SIRT1: variants seen among roughly 807,000 people sequenced by gnomAD.
SIRT1 encodes the protein sirtuin 1.
A neutral mutation model predicts 67.9 loss-of-function variants in SIRT1; 24 were observed. The observed-to-expected ratio is 0.35, with a 90% CI of 0.26 to 0.50. SIRT1 has a LOEUF of 0.50. SIRT1 is among the 20% of genes least tolerant of loss of function. The pLI, the probability that SIRT1 is intolerant of heterozygous loss-of-function variation, is 0.98. For missense variants in SIRT1, 873 were observed against 937.2 expected, an observed-to-expected ratio of 0.93 and a Z score of 0.89; for synonymous variants, 378 against 350.7, an observed-to-expected ratio of 1.08 and a Z score of -0.87.
chr10:67,887,167 C>T (rs1399240027), intron 1 of SIRT1, among the ~76,000 whole-genome samples: 1 of 152,176 alleles, frequency 6.6e-6, no homozygotes, highest in Non-Finnish European at 1.5e-5. Flanking sequence ...CCACCGCTCC[C>T]GGCTATCTTT....
intron 7 of SIRT1, among the ~76,000 whole-genome samples, chr10:67,911,620 C>CTCCCTCCCTCCCTTCCGTTTGTCCTTCCT (rs1842899916): frequency 7.4e-6 from 1 of 134,230 alleles, no homozygotes; most frequent in Non-Finnish European, 1.6e-5. Context: ...CCCCCCTCCC[C>CTCCCTCCCTCCCTTCCGTTTGTCCTTCCT]TCCCTCCCTC....
Position 67,918,097 on chromosome 10 carries a change from T to C in SIRT1, c.*1504T>C, listed in dbSNP as rs200174408. Reference sequence around the variant, plus strand: ...TAAGATGTCTCAATCTGAATTTATTTGGCTACACTAAAGAATGCAGTATAT... The same window carrying C: ...TAAGATGTCTCAATCTGAATTTATTCGGCTACACTAAAGAATGCAGTATAT... On this transcript the variant is annotated 3_prime_UTR_variant, in exon 9 of 9. Coordinates refer to ENST00000212015, the MANE Select transcript of SIRT1 (RefSeq NM_012238.5). The C allele has an allele frequency of 2.0e-5, 3 of 152,692 alleles. No homozygotes were observed. The highest frequency in any genetic ancestry group is 7.2e-5 in the African/African-American group (3 of 41,472). 9.5% of individuals were successfully genotyped at this position (152,692 alleles called of 1,614,324 possible).
intron 4 of SIRT1, among the ~76,000 whole-genome samples, chr10:67,903,079 C>T (rs907854187): frequency 3.9e-5 from 6 of 152,058 alleles, no homozygotes; most frequent in African/African-American, 9.6e-5. Flanking sequence ...GGTGACAGAG[C>T]GAGACTCTCA....
At chr10:67,906,047 A>T in intron 4 of SIRT1, 2 of 855,182 alleles carry the variant, frequency 2.3e-6, no homozygotes, top group Non-Finnish European at 1.6e-6. Flanking sequence ...CCTTTGCCAT[A>T]GTCACTTACT....
At chr10:67,906,142 C>A (rs1842817450) in intron 4 of SIRT1, 2 of 1,321,332 alleles carry the variant, frequency 1.5e-6, no homozygotes, top group East Asian at 3.0e-5. Context: ...ATGTGTATAT[C>A]TGAATTCTTT....
chr10:67,914,488 G>A (rs2029868078), intron 8 of SIRT1, among the ~76,000 whole-genome samples: 1 of 152,156 alleles, frequency 6.6e-6, no homozygotes, highest in African/African-American at 2.4e-5. Context: ...ACTAGAAAAA[G>A]CATAGAGGGA....
rs768615800 is a variant in SIRT1, at chr10:67,888,872, C to G, written c.548-10C>G. 13 of 1,585,078 alleles carry G rather than the reference C, an allele frequency of 8.2e-6. No homozygotes were observed. In the Admixed American group the frequency reaches 1.2e-4, roughly 15 times the overall value. On this transcript the variant is annotated splice_polypyrimidine_tract_variant and intron_variant, in intron 2 of 8. Coordinates refer to ENST00000212015, the MANE Select transcript of SIRT1 (RefSeq NM_012238.5). ...TAAGTTGACTTTAAGCCTTTTCCCC[C>G]TTATTGTAGGTCCATATACTTTTGT... is the stretch of plus-strand genomic sequence containing the variant.
chr10:67,908,431 C>T (rs1313725453), intron 6 of SIRT1, among the ~76,000 whole-genome samples: 2 of 152,080 alleles, frequency 1.3e-5, no homozygotes, highest in Non-Finnish European at 2.9e-5. Context: ...CTTTTTGTGC[C>T]TGTCAGATTT....
chr10:67,900,499 G>C (rs1842725363), intron 4 of SIRT1, among the ~76,000 whole-genome samples: 1 of 152,118 alleles, frequency 6.6e-6, no homozygotes, highest in South Asian at 2.1e-4. Flanking sequence ...CTGGAGTGTA[G>C]TAGTGTGATC....
rs556662868 is a variant in SIRT1 at position 67,914,777 on chromosome 10, G to A, written c.1916-1488G>A. Among the ~76,000 whole-genome samples, 3 of 151,148 alleles carry A rather than the reference G, an allele frequency of 2.0e-5. No homozygotes were observed. The South Asian group carries it at 6.3e-4, about 32-fold the overall frequency. ...GGCTGAAGTACAATGGTGTGATCTCGGTTCACGGCAACCTCCGCCTCCCGG... is the reference window on the plus strand; with the variant it reads ...GGCTGAAGTACAATGGTGTGATCTCAGTTCACGGCAACCTCCGCCTCCCGG... On this transcript the variant is annotated intron_variant, in intron 8 of 8. Coordinates refer to ENST00000212015, the MANE Select transcript of SIRT1 (RefSeq NM_012238.5).
chr10:67,891,293 G>A (rs1191017260), intron 3 of SIRT1, 109 bp from the exon 4 acceptor site: 2 of 897,298 alleles, frequency 2.2e-6, no homozygotes, highest in African/African-American at 3.3e-5. Context: ...AGAAGTTTCA[G>A]ACTAAAATTT....
intron 4 of SIRT1, among the ~76,000 whole-genome samples, chr10:67,898,041 C>T (rs535422738): frequency 5.1e-4 from 72 of 142,222 alleles, no homozygotes; most frequent in African/African-American, 1.6e-3. Context: ...GAGGCCACAG[C>T]GGGCGGTCAA....
chr10:67,914,073 T>A (rs1177726616), intron 8 of SIRT1, among the ~76,000 whole-genome samples: 1 of 136,918 alleles, frequency 7.3e-6, no homozygotes, highest in Non-Finnish European at 1.6e-5. Flanking sequence ...TTTTTTTTTT[T>A]TTTTTTTTTT....
Position 67,885,112 on chromosome 10 carries a change from GA to G in SIRT1, c.392del (p.Glu131GlyfsTer52). On this transcript the variant is annotated frameshift_variant, in exon 1 of 9. Transcript: ENST00000212015. LOFTEE classifies it high-confidence loss of function. ...YDEDDDDEGE[E>X]EEEAAAAAIG... ...CGAAGACGACGACGACGAGGGCGAG[GA>G]GGAGGAAGAGGCGGCGGCGGCGGCG... 1 of 1,443,736 alleles carries G rather than the reference GA, an allele frequency of 6.9e-7. No homozygotes were observed. The highest frequency in any genetic ancestry group is 9.1e-7 in the Non-Finnish European group (1 of 1,093,470). 89.4% of individuals were successfully genotyped at this position (1,443,736 alleles called of 1,614,324 possible).
chr10:67,915,664 G>C (rs1033647187), intron 8 of SIRT1, among the ~76,000 whole-genome samples: 1 of 152,068 alleles, frequency 6.6e-6, no homozygotes, highest in Non-Finnish European at 1.5e-5. Context: ...AAATATTTTA[G>C]GTTTATAATC....
chr10:67,904,463 TTAAATC>T (rs1303511235), intron 4 of SIRT1, among the ~76,000 whole-genome samples: 4 of 152,202 alleles, frequency 2.6e-5, no homozygotes, highest in Admixed American at 6.5e-5. Context: ...AACACTATAT[TTAAATC>T]TAATAATTCA....
chr10:67,899,013 C>A (rs538266554), intron 4 of SIRT1, among the ~76,000 whole-genome samples: 14 of 152,086 alleles, frequency 9.2e-5, no homozygotes, highest in African/African-American at 3.4e-4. Context: ...TACAGTTGTC[C>A]TTTTTTGGTA....
intron 7 of SIRT1, among the ~76,000 whole-genome samples, chr10:67,911,423 C>A (rs1194529560): frequency 6.6e-6 from 1 of 151,722 alleles, no homozygotes; most frequent in East Asian, 1.9e-4. Context: ...AAACTCCTGG[C>A]CTCAAGTGAT....
chr10:67,903,683 G>C (rs956896590), intron 4 of SIRT1, among the ~76,000 whole-genome samples: 1 of 152,166 alleles, frequency 6.6e-6, no homozygotes, highest in Non-Finnish European at 1.5e-5. Flanking sequence ...CACCACATCC[G>C]GCCAATTTCT....
Sources: allele counts gnomAD v4.1 joint callset (sites outside exome capture counted in the v4.1 genomes callset), GRCh38; gene constraint gnomAD v4.1.1; transcripts MANE v1.5; gene names NCBI Gene and HGNC (gene_info 2026-07-23, HGNC 2026-07-21).